The following ARHGAP15 variants were observed in gnomAD, a reference collection of about 807,000 sequenced individuals.
The protein encoded by ARHGAP15 is Rho GTPase activating protein 15.
A neutral mutation model predicts 63.7 loss-of-function variants in ARHGAP15; 51 were observed. The observed-to-expected ratio is 0.80, with a 90% CI of 0.64 to 1.01. The LOEUF (loss-of-function observed/expected upper bound fraction) is 1.01. ARHGAP15 is among the 50% of genes least tolerant of loss of function. The probability of loss-of-function intolerance (pLI) is 0.00; values close to 1 mark genes in which losing one functional copy is unlikely to be tolerated. For synonymous variants in ARHGAP15, 191 were observed against 193.8 expected, an observed-to-expected ratio of 0.99 and a Z score of 0.12; for missense variants, 560 against 564.6, an observed-to-expected ratio of 0.99 and a Z score of 0.08.
At chr2:143,259,192 TA>T (rs1214652069) in intron 6 of ARHGAP15, among the ~76,000 whole-genome samples, 1 of 152,288 alleles carries the variant, frequency 6.6e-6, no homozygotes, top group African/African-American at 2.4e-5. Context: ...GATGTACTGA[TA>T]GGGGTGGCAG....
intron 6 of ARHGAP15, among the ~76,000 whole-genome samples, chr2:143,312,825 T>C (rs1234371530): frequency 6.6e-6 from 1 of 152,186 alleles, no homozygotes; most frequent in African/African-American, 2.4e-5. Context: ...GAAATTGCCA[T>C]TGTAGTTAAC....
chr2:143,489,989 C>G (rs115321848), intron 9 of ARHGAP15, among the ~76,000 whole-genome samples: 4,755 of 151,766 alleles, frequency 0.031, 166 homozygotes, highest in African/African-American at 0.083. Flanking sequence ...TTTTCTTTTT[C>G]TTTTTGTTTT....
At chr2:143,266,603 A>G (rs1385490266) in intron 6 of ARHGAP15, among the ~76,000 whole-genome samples, 1 of 152,170 alleles carries the variant, frequency 6.6e-6, no homozygotes, top group East Asian at 1.9e-4. Context: ...TTAAAAATGA[A>G]ACATTTCTGA....
chr2:143,725,180 A>T (rs922934609), intron 13 of ARHGAP15, among the ~76,000 whole-genome samples: 1 of 152,252 alleles, frequency 6.6e-6, no homozygotes, highest in Non-Finnish European at 1.5e-5. Context: ...AAGTAAAAGA[A>T]GTTTTATTGG....
At chr2:143,641,765 A>G (rs556121258) in intron 12 of ARHGAP15, among the ~76,000 whole-genome samples, 3 of 152,166 alleles carry the variant, frequency 2.0e-5, no homozygotes, top group East Asian at 3.9e-4. Context: ...TTGAATCAGA[A>G]CTCTTAGAAA....
At chr2:143,351,459 T>A (rs1685569104) in intron 6 of ARHGAP15, 1 of 152,160 alleles carries the variant, frequency 6.6e-6, no homozygotes, top group Non-Finnish European at 1.5e-5. Context: ...TTTCTGGATA[T>A]AACACTATAA....
chr2:143,624,069 T>C, intron 11 of ARHGAP15, 64 bp from the exon 12 acceptor site: 1 of 1,573,244 alleles, frequency 6.4e-7, no homozygotes, highest in Non-Finnish European at 8.7e-7. Context: ...ATTAACATAA[T>C]AATTAGTGTC....
At position 143,758,552 on chromosome 2, in the gene ARHGAP15, G is replaced by A. The variant is rs1356377685; in HGVS notation, c.1245-9437G>A. On this transcript the variant is annotated intron_variant, in intron 13 of 13. Transcript: ENST00000295095. ...GAAAGAGGGCAGGAGATATTCACAG[G>A]AGAGGAAACACACGACTGCTTGTTT... is the stretch of plus-strand genomic sequence containing the variant. Among the ~76,000 whole-genome samples the A allele has an allele frequency of 2.0e-5, 3 of 152,080 alleles. No homozygotes were observed. The East Asian group carries it at 5.8e-4, about 29-fold the overall frequency.
chr2:143,647,545 G>A (rs191739102), intron 12 of ARHGAP15, among the ~76,000 whole-genome samples: 1 of 152,054 alleles, frequency 6.6e-6, no homozygotes, highest in African/African-American at 2.4e-5. Context: ...GTTATTTTAT[G>A]TGGTACTGCA....
At chr2:143,134,239 C>G (rs961514164) in intron 1 of ARHGAP15, among the ~76,000 whole-genome samples, 2 of 152,150 alleles carry the variant, frequency 1.3e-5, no homozygotes, top group African/African-American at 4.8e-5. Flanking sequence ...ATTTATGAGA[C>G]AAAGGATAAA....
chr2:143,555,312 T>C (rs1695738785), intron 10 of ARHGAP15, among the ~76,000 whole-genome samples: 1 of 152,146 alleles, frequency 6.6e-6, no homozygotes, highest in African/African-American at 2.4e-5. Context: ...TGGCAATAAT[T>C]TCTACCAATC....
At chr2:143,546,957 T>C (rs1695359803) in intron 10 of ARHGAP15, among the ~76,000 whole-genome samples, 1 of 152,164 alleles carries the variant, frequency 6.6e-6, no homozygotes, top group Admixed American at 6.6e-5. Flanking sequence ...TGTCAATGAC[T>C]GTTTATAGGT....
chr2:143,598,513 G>GTAGCCACCCAATAGGGC (rs1178282658), intron 11 of ARHGAP15, among the ~76,000 whole-genome samples: 1 of 152,114 alleles, frequency 6.6e-6, no homozygotes, highest in Non-Finnish European at 1.5e-5. Context: ...CTGGCTTGGG[G>GTAGCCACCCAATAGGGC]TAGCCACCCA....
chr2:143,485,060 AT>A (rs1200439106), intron 8 of ARHGAP15, among the ~76,000 whole-genome samples: 1 of 151,946 alleles, frequency 6.6e-6, no homozygotes, highest in Non-Finnish European at 1.5e-5. Flanking sequence ...TATAGTACCC[AT>A]TTTTTAAAGT....
At chr2:143,262,828 C>T (rs1259024284) in intron 6 of ARHGAP15, among the ~76,000 whole-genome samples, 1 of 151,952 alleles carries the variant, frequency 6.6e-6, no homozygotes, top group African/African-American at 2.4e-5. Context: ...CTTACTAATC[C>T]CTGTTAGAAG....
At chr2:143,489,244 A>C (rs893962972) in intron 9 of ARHGAP15, among the ~76,000 whole-genome samples, 2 of 152,224 alleles carry the variant, frequency 1.3e-5, no homozygotes, top group African/African-American at 4.8e-5. Flanking sequence ...AAGCATTAGG[A>C]AAGCTGGATG....
chr2:143,730,642 C>T (rs2105483231), intron 13 of ARHGAP15, among the ~76,000 whole-genome samples: 1 of 152,006 alleles, frequency 6.6e-6, no homozygotes, highest in East Asian at 1.9e-4. Flanking sequence ...GCCTGGCTGC[C>T]CTAAAATTTT....
rs1430188291 is a variant in ARHGAP15, at chr2:143,155,476, G to T, written c.-14-1G>T. On this transcript the variant is annotated splice_acceptor_variant, in intron 1 of 13. Coordinates refer to ENST00000295095, the MANE Select transcript of ARHGAP15 (RefSeq NM_018460.4). LOFTEE classifies it low-confidence loss of function (5UTR_SPLICE). ...ACATAATACATTTTATATTTTATCA[G>T]GATAGCACTATAATATGCAGAAATC... 1 of 1,590,554 alleles carries T rather than the reference G, an allele frequency of 6.3e-7. No homozygotes were observed. The highest frequency in any genetic ancestry group is 8.5e-7 in the Non-Finnish European group (1 of 1,171,558).
chr2:143,689,791 C>T (rs1308882343), intron 12 of ARHGAP15, among the ~76,000 whole-genome samples: 2 of 152,144 alleles, frequency 1.3e-5, no homozygotes, highest in Non-Finnish European at 2.9e-5. Flanking sequence ...CCTTTCTTCC[C>T]TTTATGTTTT....
Sources: gnomAD v4.1 joint callset for allele counts (sites outside exome capture counted in the v4.1 genomes callset) on GRCh38, gnomAD v4.1.1 for gene constraint, MANE v1.5 for transcripts, NCBI Gene and HGNC (gene_info 2026-07-23, HGNC 2026-07-21) for gene names.